Variants in RYR2 observed in about 807,000 individuals in gnomAD.
RYR2 encodes ryanodine receptor 2.
Under a neutral mutation model 601.1 loss-of-function variants are expected in RYR2, and 227 were observed. The observed-to-expected ratio is 0.38, with a 90% confidence interval of 0.34 to 0.42. The LOEUF is 0.42. Ranked by LOEUF, RYR2 falls within the 10% of genes least tolerant of loss-of-function variation. The pLI is 1.00. For missense variants in RYR2, 4,646 were observed against 6,156.5 expected (o/e 0.75, Z 8.21); for synonymous variants, 2,223 against 2,175.1 (o/e 1.02, Z -0.61).
At chr1:237,323,461 A>G (rs1044825293) in intron 2 of RYR2, among the ~76,000 whole-genome samples, 11 of 152,200 alleles carry the variant, frequency 7.2e-5, no homozygotes, top group Non-Finnish European at 1.5e-4. Context: ...TTAGAGAGGT[A>G]TGATGGAATG....
At chr1:237,632,770 A>C (rs145497145) in intron 42 of RYR2, among the ~76,000 whole-genome samples, 2 of 150,592 alleles carry the variant, frequency 1.3e-5, no homozygotes, top group Non-Finnish European at 3.0e-5. Flanking sequence ...ATAAAAAAAA[A>C]CTTTATATAA....
intron 1 of RYR2, among the ~76,000 whole-genome samples, chr1:237,151,411 C>T (rs936543928): frequency 6.6e-6 from 1 of 152,152 alleles, no homozygotes; most frequent in Non-Finnish European, 1.5e-5. Context: ...TAAGACACCC[C>T]TCAACATGTT....
At chr1:237,343,882 A>G (rs1349471588) in intron 3 of RYR2, among the ~76,000 whole-genome samples, 1 of 147,466 alleles carries the variant, frequency 6.8e-6, no homozygotes, top group East Asian at 2.0e-4. Context: ...GTGCTATGGC[A>G]TGGTCTTGGC....
chr1:237,682,920 C>T (rs568547422), intron 62 of RYR2, among the ~76,000 whole-genome samples: 7 of 152,172 alleles, frequency 4.6e-5, no homozygotes, highest in African/African-American at 1.2e-4. Context: ...GAAAGAAAAT[C>T]ATAGAGGAAA....
intron 76 of RYR2, among the ~76,000 whole-genome samples, chr1:237,727,718 T>A (rs185587254): frequency 1.6e-4 from 24 of 152,242 alleles, no homozygotes; most frequent in African/African-American, 5.3e-4. Flanking sequence ...TATTATTATT[T>A]TTGTAATTAT....
At chr1:237,289,779 T>C (rs1692011385) in intron 2 of RYR2, among the ~76,000 whole-genome samples, 1 of 152,182 alleles carries the variant, frequency 6.6e-6, no homozygotes, top group Non-Finnish European at 1.5e-5. Context: ...TTCAGATACT[T>C]TACAGAAAAA....
chr1:237,731,565 A>G (rs1302047292), intron 77 of RYR2, among the ~76,000 whole-genome samples: 1 of 152,138 alleles, frequency 6.6e-6, no homozygotes, highest in African/African-American at 2.4e-5. Flanking sequence ...AATATTTGTA[A>G]ATCGAGTCCT....
At position 237,529,797 on chromosome 1, in the gene RYR2, A is replaced by ACACACACC. The variant is rs1275409100; in HGVS notation, c.2823-629_2823-628insACACACCC. On this transcript the variant is annotated intron_variant, in intron 24 of 104. Coordinates refer to ENST00000366574, the MANE Select transcript of RYR2 (RefSeq NM_001035.3). ...CACACACACACACACACACACACAC[A>ACACACACC]CCACGTATATCTGCTTTAGTAGGTA... Among the ~76,000 whole-genome samples the ACACACACC allele has an allele frequency of 4.0e-3, 599 of 149,824 alleles. 2 individuals carry two copies. Among genetic ancestry groups the ACACACACC allele is most frequent in the Non-Finnish European group, 6.2e-3 (417 of 67,344 alleles).
chr1:237,649,401 G>A (rs375929624), intron 49 of RYR2, among the ~76,000 whole-genome samples: 2 of 152,052 alleles, frequency 1.3e-5, no homozygotes, highest in East Asian at 1.9e-4. Flanking sequence ...TAGTATGGGC[G>A]ATAACATAGT....
chr1:237,195,342 C>A (rs1430708231), intron 1 of RYR2, among the ~76,000 whole-genome samples: 1 of 152,166 alleles, frequency 6.6e-6, no homozygotes, highest in Non-Finnish European at 1.5e-5. Flanking sequence ...CAACATCCGC[C>A]TCCCACGTTC....
intron 54 of RYR2, 90 bp from the exon 55 acceptor site, chr1:237,659,895 T>C: frequency 2.7e-6 from 2 of 746,322 alleles, no homozygotes; most frequent in Non-Finnish European, 2.1e-6. Flanking sequence ...TTAGGTTTAT[T>C]TTATCAAACA....
chr1:237,465,475 T>G (rs1178294473), intron 16 of RYR2, among the ~76,000 whole-genome samples: 6 of 152,222 alleles, frequency 3.9e-5, no homozygotes, highest in Admixed American at 3.9e-4. Context: ...GTTTCCTTAG[T>G]TTTTTGGCTT....
chr1:237,438,406 T>C (rs1334730989), intron 12 of RYR2, among the ~76,000 whole-genome samples: 1 of 152,228 alleles, frequency 6.6e-6, no homozygotes, highest in Non-Finnish European at 1.5e-5. Context: ...GAATGATATG[T>C]AGTAGAGGCT....
intron 76 of RYR2, 115 bp downstream of exon 76, chr1:237,727,314 C>A: frequency 2.2e-6 from 1 of 450,352 alleles, no homozygotes; most frequent in African/African-American, 2.0e-5. Context: ...GATGGAAAAG[C>A]TTTATTGATT....
At chr1:237,735,685 G>A (rs927080658) in intron 79 of RYR2, among the ~76,000 whole-genome samples, 2 of 152,264 alleles carry the variant, frequency 1.3e-5, no homozygotes, top group African/African-American at 2.4e-5. Flanking sequence ...TCAAATCCCT[G>A]ACTAATGGCA....
intron 1 of RYR2, among the ~76,000 whole-genome samples, chr1:237,261,616 T>G (rs572791230): frequency 6.6e-6 from 1 of 152,248 alleles, no homozygotes; most frequent in East Asian, 1.9e-4. Context: ...AACACTTTGG[T>G]GGGGTGCCGT....
At chr1:237,275,501 T>C (rs1025732362) in intron 2 of RYR2, among the ~76,000 whole-genome samples, 1 of 152,042 alleles carries the variant, frequency 6.6e-6, no homozygotes, top group Non-Finnish European at 1.5e-5. Context: ...ATTTTTTTTT[T>C]ATCATGCCAA....
At chr1:237,263,322 T>C (rs1283257888) in intron 1 of RYR2, among the ~76,000 whole-genome samples, 2 of 152,190 alleles carry the variant, frequency 1.3e-5, no homozygotes, top group Non-Finnish European at 2.9e-5. Context: ...TGATAAGCAA[T>C]CACTTATTGA....
chr1:237,192,055 T>G (rs957588424), intron 1 of RYR2, among the ~76,000 whole-genome samples: 1 of 152,002 alleles, frequency 6.6e-6, no homozygotes, highest in African/African-American at 2.4e-5. Context: ...TGGAAAATAT[T>G]CAGTATGAAG....
Sources: gnomAD v4.1 joint callset for allele counts (sites outside exome capture counted in the v4.1 genomes callset) on GRCh38, gnomAD v4.1.1 for gene constraint, MANE v1.5 for transcripts, NCBI Gene and HGNC (gene_info 2026-07-23, HGNC 2026-07-21) for gene names.